Variants in NBEAL1 observed in about 807,000 individuals in gnomAD.
NBEAL1 encodes neurobeachin-like protein 1.
Under a neutral mutation model 351.3 loss-of-function variants are expected in NBEAL1, and 273 were observed. The ratio of observed to expected loss-of-function variants is 0.78; its 90% confidence interval spans 0.70 to 0.86. NBEAL1 has a LOEUF of 0.86. NBEAL1 is among the 40% of genes least tolerant of loss of function. The probability of loss-of-function intolerance (pLI) is 0.00; values close to 1 mark genes in which losing one functional copy is unlikely to be tolerated. For synonymous variants in NBEAL1, 1,050 were observed against 1,086.4 expected (o/e 0.97, Z 0.66); for missense variants, 2,961 against 3,201.3 (o/e 0.92, Z 1.81).
At chr2:203,072,209 A>C (rs769863941) in intron 7 of NBEAL1, among the ~76,000 whole-genome samples, 23 of 152,196 alleles carry the variant, frequency 1.5e-4, no homozygotes, top group Non-Finnish European at 4.4e-5. Flanking sequence ...TATAGAATCC[A>C]AGAAGTCCAA....
In NBEAL1 at chr2:203,062,363, G is replaced by T. The variant is rs764932613; in HGVS notation, c.515+4910G>T. The T allele has an allele frequency of 4.2e-6, 2 of 481,906 alleles. No individual in the cohort carries two copies. Among genetic ancestry groups the T allele is most frequent in the East Asian group, 5.8e-5 (1 of 17,204 alleles). The allele number at this position is 481,906 out of a possible 1,614,324, so 29.9% of individuals were successfully genotyped here. ...ATCCAGCAACGCCCACTCCTGAGGGGTGAAGGTTACAGCCACATCCTCAAA... is the reference window on the plus strand; with the variant it reads ...ATCCAGCAACGCCCACTCCTGAGGGTTGAAGGTTACAGCCACATCCTCAAA... On this transcript the variant is annotated intron_variant, in intron 6 of 55. Transcript: ENST00000683969. The surrounding 1 kb of genome is among the most constrained non-coding windows in gnomAD (Gnocchi z 4.2).
rs1270304011 is a variant in NBEAL1 at position 203,222,429 on chromosome 2, T to G, written c.*5075T>G. On this transcript the variant is annotated 3_prime_UTR_variant, in exon 56 of 56. Transcript: ENST00000683969. ...TGTCCATTTATCTTTATATACCAGA[T>G]CCAATATTCAGACTTATTTGAAAAT... Among the ~76,000 whole-genome samples the G allele has an allele frequency of 1.3e-5, 2 of 152,212 alleles. No homozygotes were observed. The highest frequency in any genetic ancestry group is 4.8e-5 in the African/African-American group (2 of 41,466).
At chr2:203,104,883 A>G (rs1188896625) in intron 12 of NBEAL1, among the ~76,000 whole-genome samples, 2 of 150,150 alleles carry the variant, frequency 1.3e-5, no homozygotes, top group African/African-American at 4.9e-5. Context: ...TTTTTGAGAC[A>G]GAGTCTTGCT....
rs529289942 is a variant in NBEAL1, at chr2:203,223,055, T to C, written c.*5701T>C. ...AATAGTGGCTGTATTATCAGATACT[T>C]ATTTGATTATAGTAATTCATCAGAC... On this transcript the variant is annotated 3_prime_UTR_variant, in exon 56 of 56. Transcript: ENST00000683969. Among the ~76,000 whole-genome samples the C allele has an allele frequency of 3.1e-4, 47 of 152,212 alleles. No individual in the cohort carries two copies. Among genetic ancestry groups the C allele is most frequent in the Non-Finnish European group, 6.2e-4 (42 of 68,010 alleles).
At chr2:203,169,907 C>T in intron 39 of NBEAL1, 56 bp downstream of exon 39, 1 of 1,057,214 alleles carries the variant, frequency 9.5e-7, no homozygotes, top group South Asian at 1.4e-5. Context: ...TTAAGTAAAA[C>T]TTGACTTCTT....
chr2:203,058,033 G>A (rs2061434422), intron 6 of NBEAL1, among the ~76,000 whole-genome samples: 3 of 151,688 alleles, frequency 2.0e-5, no homozygotes, highest in South Asian at 2.1e-4. Context: ...TAGTAGAGAC[G>A]GGATTTCACC....
Position 203,037,358 on chromosome 2 carries a change from A to G in NBEAL1, c.52-4407A>G, listed in dbSNP as rs972364966. Reference sequence around the variant, plus strand: ...TGAAATCTGACTGACATAAGGAAGTATTGAGGAGGCAAAGGAAAAGAATTG... The same window carrying G: ...TGAAATCTGACTGACATAAGGAAGTGTTGAGGAGGCAAAGGAAAAGAATTG... On this transcript the variant is annotated intron_variant, in intron 2 of 55. Coordinates refer to ENST00000683969, the MANE Select transcript of NBEAL1 (RefSeq NM_001378026.1). 2.8e-4 allele frequency among the ~76,000 whole-genome samples: 42 copies of G among 149,256 alleles called. 4 individuals are homozygous for G. In the Admixed American group the frequency reaches 2.8e-3, roughly 10 times the overall value.
chr2:203,118,383 G>T (rs771092793), intron 18 of NBEAL1, among the ~76,000 whole-genome samples: 1 of 152,008 alleles, frequency 6.6e-6, no homozygotes, highest in Non-Finnish European at 1.5e-5. Context: ...TTGGTTATAA[G>T]GTCTCTTGAG....
At chr2:203,119,424 C>CTTTTTTTGTTTTTTTTTTTT (rs2062776789) in intron 18 of NBEAL1, among the ~76,000 whole-genome samples, 1 of 66,656 alleles carries the variant, frequency 1.5e-5, no homozygotes, top group Non-Finnish European at 2.6e-5. Context: ...CGGCCTGTTG[C>CTTTTTTTGTTTTTTTTTTTT]TTTTTTTTTT....
At chr2:203,049,713 GCTT>G in intron 3 of NBEAL1, 98 bp from the exon 4 acceptor site, 4 of 995,790 alleles carry the variant, frequency 4.0e-6, no homozygotes, top group Non-Finnish European at 5.8e-6. Flanking sequence ...AAATAAAAGA[GCTT>G]CTTTAGGATT....
intron 18 of NBEAL1, among the ~76,000 whole-genome samples, chr2:203,121,340 AAG>A (rs1305556179): frequency 6.6e-6 from 1 of 151,924 alleles, no homozygotes; most frequent in African/African-American, 2.4e-5. Context: ...ATTTGTTTAA[AAG>A]AGAAAAATTT....
intron 10 of NBEAL1, among the ~76,000 whole-genome samples, chr2:203,088,758 G>A (rs2062012845): frequency 6.6e-6 from 1 of 152,128 alleles, no homozygotes; most frequent in Non-Finnish European, 1.5e-5. Context: ...GATTAAGTAG[G>A]TTTGATCCAT....
intron 46 of NBEAL1, chr2:203,191,001 GC>G: frequency 6.2e-7 from 1 of 1,605,674 alleles, no homozygotes; most frequent in East Asian, 2.2e-5. Context: ...TTGAGGTGGT[GC>G]CTTCTGCCTC....
At chr2:203,217,114 A>T in intron 55 of NBEAL1, 139 bp from the exon 56 acceptor site, 1 of 554,050 alleles carries the variant, frequency 1.8e-6, no homozygotes, top group Admixed American at 4.2e-5. Flanking sequence ...GTCTTTCTCT[A>T]TTATTGATAA....
At chr2:203,207,222 G>C (rs1051305920) in intron 51 of NBEAL1, among the ~76,000 whole-genome samples, 5 of 151,494 alleles carry the variant, frequency 3.3e-5, no homozygotes, top group Admixed American at 1.3e-4. Context: ...CCTCCGCCTG[G>C]CAGCCACCCC....
At chr2:203,178,119 A>G (rs1466355590) in intron 42 of NBEAL1, among the ~76,000 whole-genome samples, 1 of 151,714 alleles carries the variant, frequency 6.6e-6, no homozygotes, top group East Asian at 1.9e-4. Flanking sequence ...ATATGCACAC[A>G]AAAATTTGCA....
At chr2:203,151,695 G>A (rs994479690) in intron 35 of NBEAL1, 106 bp downstream of exon 35, 7 of 1,091,908 alleles carry the variant, frequency 6.4e-6, no homozygotes, top group Non-Finnish European at 8.5e-6. Flanking sequence ...ATGAAGGAAG[G>A]GTGGCATTTT....
In NBEAL1 at chr2:203,135,797, C is replaced by T; in HGVS notation, c.3934C>T (p.His1312Tyr). 1 of 1,612,908 alleles carries T rather than the reference C, an allele frequency of 6.2e-7. No homozygotes were observed. The highest frequency in any genetic ancestry group is 1.7e-5 in the Admixed American group (1 of 59,846). ...AAAATTTGAAAACGGAAATACTCTT[C>T]ATAAGCACAGTAGAGCTGTTTTAAT... ...KAKFENGNTL[H>Y]KHSRAVLMKD... Residue 1312 changes from histidine to tyrosine, a missense_variant, in exon 28 of 56, where the codon CAT becomes TAT. Coordinates refer to ENST00000683969, the MANE Select transcript of NBEAL1 (RefSeq NM_001378026.1).
intron 18 of NBEAL1, among the ~76,000 whole-genome samples, chr2:203,119,721 C>T (rs946714647): frequency 1.3e-5 from 2 of 152,024 alleles, no homozygotes; most frequent in Non-Finnish European, 2.9e-5. Flanking sequence ...CCACCGTGCC[C>T]GGCCCAGTTG....
Sources: gnomAD v4.1 joint callset for allele counts (sites outside exome capture counted in the v4.1 genomes callset) on GRCh38, gnomAD v4.1.1 for gene constraint, Gnocchi (gnomAD v3.1) non-coding constraint, MANE v1.5 for transcripts, NCBI Gene and HGNC (gene_info 2026-07-23, HGNC 2026-07-21) for gene names.